Variants in TRPM1 observed in about 807,000 individuals in gnomAD.
TRPM1 encodes TRPM1-203 APA Isoform, Intron 10.
Under a neutral mutation model 149.4 loss-of-function variants are expected in TRPM1, and 113 were observed. That is an observed-to-expected ratio of 0.76 (90% CI 0.65 to 0.88). The LOEUF is 0.88. Ranked by LOEUF, TRPM1 falls within the 40% of genes least tolerant of loss-of-function variation. TRPM1 has a pLI of 0.00. For synonymous variants in TRPM1, 741 were observed against 759.5 expected (o/e 0.98, Z 0.40); for missense variants, 1,976 against 2,038.7 (o/e 0.97, Z 0.59).
intron 27 of TRPM1, among the ~76,000 whole-genome samples, chr15:31,021,702 T>TAAAAA (rs34186876): frequency 8.4e-6 from 1 of 119,362 alleles, no homozygotes; most frequent in Non-Finnish European, 1.8e-5. Flanking sequence ...TCTCTAGAAT[T>TAAAAA]AAAAAAAAAA....
At chr15:31,102,463 T>G (rs1246300402), upstream of TRPM1, among the ~76,000 whole-genome samples, 1 of 152,194 alleles carries the variant, frequency 6.6e-6, no homozygotes, top group Non-Finnish European at 1.5e-5. Context: ...ATTGTCCGCC[T>G]CCCGCTTCTC....
At chr15:31,158,114 C>T (rs1164886726) in intron 1 of TRPM1, among the ~76,000 whole-genome samples, 1 of 152,082 alleles carries the variant, frequency 6.6e-6, no homozygotes, top group Non-Finnish European at 1.5e-5. Context: ...CATTCTTCCA[C>T]CAATAATTTT....
At chr15:31,156,025 C>T (rs1017461027) in intron 1 of TRPM1, among the ~76,000 whole-genome samples, 5 of 151,416 alleles carry the variant, frequency 3.3e-5, no homozygotes, top group Non-Finnish European at 7.4e-5. Flanking sequence ...GGTGAAACCC[C>T]GTCTCTACTA....
At chr15:31,043,678 TTAGATAAACA>T (rs1245497048) in intron 16 of TRPM1, among the ~76,000 whole-genome samples, 2 of 152,142 alleles carry the variant, frequency 1.3e-5, no homozygotes, top group African/African-American at 4.8e-5. Context: ...GTAGAAATGT[TTAGATAAACA>T]TAGATTTTCA....
chr15:31,077,257 C>A (rs190288185), intron 2 of TRPM1, among the ~76,000 whole-genome samples: 39 of 152,240 alleles, frequency 2.6e-4, no homozygotes, highest in Admixed American at 6.5e-4. Flanking sequence ...GGGGTGGGAG[C>A]TGTGGGGATT....
intron 1 of TRPM1, among the ~76,000 whole-genome samples, chr15:31,128,749 G>A (rs749692908): frequency 1.3e-5 from 2 of 152,344 alleles, no homozygotes; most frequent in South Asian, 2.1e-4. Flanking sequence ...TTGGGTGGGC[G>A]ACCTGTGCAG....
chr15:31,116,521 G>A (rs981848356), intron 1 of TRPM1, among the ~76,000 whole-genome samples: 3 of 152,028 alleles, frequency 2.0e-5, no homozygotes, highest in African/African-American at 7.2e-5. Context: ...AGAATCACTT[G>A]AACCCAGGAG....
rs1023230851 is a variant in TRPM1 at position 31,149,913 on chromosome 15, G to A, written c.54+10993C>T. 5.3e-5 allele frequency among the ~76,000 whole-genome samples: 8 copies of A among 152,196 alleles called. No individual in the cohort carries two copies. In the East Asian group the frequency reaches 5.8e-4, roughly 11 times the overall value. ...TTCTGTTGGCGAGCATTGACGATTT[G>A]GTAGTGACTTTGGGCAGCAAATTCT... On this transcript the variant is annotated intron_variant, in intron 1 of 26. Transcript: ENST00000542188.
At chr15:31,037,348 G>T (rs945195403) in intron 20 of TRPM1, among the ~76,000 whole-genome samples, 1 of 152,214 alleles carries the variant, frequency 6.6e-6, no homozygotes, top group Admixed American at 6.5e-5. Context: ...ATGAAAAATG[G>T]AATCTGTGAA....
intron 1 of TRPM1, among the ~76,000 whole-genome samples, chr15:31,137,493 C>G (rs783035): frequency 6.6e-6 from 1 of 152,108 alleles, no homozygotes; most frequent in Non-Finnish European, 1.5e-5. Flanking sequence ...AACTGGTTAT[C>G]TAAGAAGTGC....
intron 16 of TRPM1, among the ~76,000 whole-genome samples, chr15:31,043,229 T>C (rs1596011277): frequency 2.0e-5 from 3 of 152,346 alleles, no homozygotes; most frequent in Admixed American, 2.0e-4. Flanking sequence ...AGTCTCACTG[T>C]GTCGCCCAGG....
rs560288041 is a variant in TRPM1, at chr15:31,020,055, G to C, written c.3629+6084C>G. On this transcript the variant is annotated intron_variant, in intron 27 of 27. Transcript: ENST00000256552. ...ACTAAAAGAACATTAAGCTTTCTGG[G>C]ATTCTAGCTGTATGCTGCCTCATTT... Among the ~76,000 whole-genome samples, 3 of 152,342 alleles carry C rather than the reference G, an allele frequency of 2.0e-5. No homozygotes were observed. In the East Asian group the frequency reaches 5.8e-4, roughly 29 times the overall value.
At chr15:31,058,185 TA>T (rs58340925) in intron 11 of TRPM1, among the ~76,000 whole-genome samples, 2,102 of 149,482 alleles carry the variant, frequency 0.014, 21 homozygotes, top group African/African-American at 0.028. Flanking sequence ...TAAAAATACT[TA>T]AAAAAAAAAA....
At chr15:31,088,805 G>GC (rs1317882555) in intron 1 of TRPM1, among the ~76,000 whole-genome samples, 4 of 151,934 alleles carry the variant, frequency 2.6e-5, no homozygotes, top group Non-Finnish European at 5.9e-5. Flanking sequence ...TTTCTGCTGG[G>GC]GGGATGCGTC....
In TRPM1 at chr15:31,050,427, C is replaced by T. The variant is rs1270980985; in HGVS notation, c.1419G>A (p.Lys473=). Reference sequence around the variant, plus strand: ...CACATACCCAGTTCAGCAGCTCTATCTTCCGGGGGTCAGTTTCTTCCTCCA... The same window carrying T: ...CACATACCCAGTTCAGCAGCTCTATTTTCCGGGGGTCAGTTTCTTCCTCCA... ...EEVEEETDPR[K]IELLNWVNAL... Residue 473 remains lysine (K), a synonymous_variant, in exon 12 of 28, where the codon AAG becomes AAA. Transcript: ENST00000256552. 1 of 1,614,182 alleles carries T rather than the reference C, an allele frequency of 6.2e-7. No homozygotes were observed. Among genetic ancestry groups the T allele is most frequent in the East Asian group, 2.2e-5 (1 of 44,870 alleles).
chr15:31,136,054 C>A (rs1225910602), intron 1 of TRPM1, among the ~76,000 whole-genome samples: 1 of 152,090 alleles, frequency 6.6e-6, no homozygotes, highest in Non-Finnish European at 1.5e-5. Flanking sequence ...GTCAACAAAT[C>A]CCTGAACGTG....
At chr15:31,058,110 G>A (rs77607366) in intron 11 of TRPM1, among the ~76,000 whole-genome samples, 1 of 152,004 alleles carries the variant, frequency 6.6e-6, no homozygotes, top group East Asian at 1.9e-4. Context: ...ATTAGCAGTG[G>A]CAAGTGTACA....
intron 27 of TRPM1, among the ~76,000 whole-genome samples, chr15:31,016,333 A>C (rs1452413289): frequency 6.6e-6 from 1 of 152,232 alleles, no homozygotes; most frequent in Non-Finnish European, 1.5e-5. Context: ...GAATAGTGGT[A>C]CTTTTGTGAT....
chr15:31,069,867 A>G, intron 4 of TRPM1, 164 bp downstream of exon 4: 2 of 1,582,464 alleles, frequency 1.3e-6, no homozygotes, highest in South Asian at 2.3e-5. Flanking sequence ...CCTCATGGCT[A>G]AAAGCCATGT....
Sources: gnomAD v4.1 joint callset for allele counts (sites outside exome capture counted in the v4.1 genomes callset) on GRCh38, gnomAD v4.1.1 for gene constraint, MANE v1.5 for transcripts, NCBI Gene and HGNC (gene_info 2026-07-23, HGNC 2026-07-21) for gene names.